Variants in NOL10 observed in about 807,000 individuals in gnomAD.
NOL10 encodes H_NH0074G24.1.
Under a neutral mutation model 103.5 loss-of-function variants are expected in NOL10, and 58 were observed. The observed-to-expected ratio is 0.56, with a 90% CI of 0.45 to 0.70. NOL10 has a LOEUF of 0.70. NOL10 is among the 30% of genes least tolerant of loss of function. The pLI, the probability that NOL10 is intolerant of heterozygous loss-of-function variation, is 0.00. For synonymous variants in NOL10, 287 were observed against 282.5 expected, an observed-to-expected ratio of 1.02 and a Z score of -0.16; for missense variants, 763 against 807.3, an observed-to-expected ratio of 0.95 and a Z score of 0.67.
chr2:10,638,289 A>C lies in NOL10; in HGVS notation c.1026+6031T>G, dbSNP rs117422826. ...GACAGAGCAAGACCCTGTCTCATTCAAAAATAACGTAACGTGACGTGACGT... is the reference window on the plus strand; with the variant it reads ...GACAGAGCAAGACCCTGTCTCATTCCAAAATAACGTAACGTGACGTGACGT... On this transcript the variant is annotated intron_variant, in intron 13 of 20. Coordinates refer to ENST00000381685, the MANE Select transcript of NOL10 (RefSeq NM_024894.4). Among the ~76,000 whole-genome samples the C allele has an allele frequency of 5.2e-4, 78 of 149,342 alleles. 2 individuals carry two copies. In the East Asian group the frequency reaches 0.014, roughly 27 times the overall value.
At chr2:10,634,382 C>T (rs1371608293) in intron 13 of NOL10, among the ~76,000 whole-genome samples, 1 of 152,140 alleles carries the variant, frequency 6.6e-6, no homozygotes, top group East Asian at 1.9e-4. Flanking sequence ...GCCTAGACAG[C>T]CGAGTGAGCA....
At position 10,596,268 on chromosome 2, in the gene NOL10, G is replaced by GA. The variant is rs58437737; in HGVS notation, c.1422+4584_1422+4585insT. 1.9e-3 allele frequency among the ~76,000 whole-genome samples: 155 copies of GA among 81,406 alleles called. 10 individuals carry two copies. Among genetic ancestry groups the GA allele is most frequent in the East Asian group, 9.8e-3 (15 of 1,538 alleles). The allele number at this position is 81,406 out of a possible 152,430, so 53.4% of individuals were successfully genotyped here. A position where few individuals can be genotyped will look rare whatever the true frequency, so the allele number is the denominator to read the frequency against. On this transcript the variant is annotated intron_variant, in intron 17 of 20. Transcript: ENST00000381685. Reference sequence around the variant, plus strand: ...CCACAGATGGTGGTGGGGGGCGGGGGGCGGGCGCGAGGGAGTTTTGGGATG... The same window carrying GA: ...CCACAGATGGTGGTGGGGGGCGGGGGAGCGGGCGCGAGGGAGTTTTGGGATG...
chr2:10,593,063 G>T (rs1365200541), intron 17 of NOL10, among the ~76,000 whole-genome samples: 1 of 152,010 alleles, frequency 6.6e-6, no homozygotes, highest in Non-Finnish European at 1.5e-5. Flanking sequence ...TGAGTGGGAC[G>T]CCTATTATTA....
intron 8 of NOL10, among the ~76,000 whole-genome samples, chr2:10,664,524 T>C (rs2148330011): frequency 6.6e-6 from 1 of 152,368 alleles, no homozygotes; most frequent in East Asian, 1.9e-4. Flanking sequence ...AAAAGCAATT[T>C]ACTTTTTTAA....
intron 8 of NOL10, among the ~76,000 whole-genome samples, chr2:10,663,586 A>G (rs1036449352): frequency 1.3e-5 from 2 of 152,170 alleles, no homozygotes; most frequent in South Asian, 2.1e-4. Context: ...CAAAATATAT[A>G]TATCACTAAA....
intron 19 of NOL10, among the ~76,000 whole-genome samples, chr2:10,583,051 T>C (rs924723800): frequency 6.6e-6 from 1 of 152,228 alleles, no homozygotes; most frequent in East Asian, 1.9e-4. Flanking sequence ...CCTTCATTCC[T>C]GGGCCTCTCT....
intron 11 of NOL10, 38 bp downstream of exon 11, chr2:10,657,703 CA>C: frequency 6.6e-7 from 1 of 1,524,554 alleles, no homozygotes; most frequent in Non-Finnish European, 8.9e-7. Flanking sequence ...GGAACACCTG[CA>C]AATAAAGAAG....
At chr2:10,682,399 C>CTTT (rs761615937) in intron 2 of NOL10, among the ~76,000 whole-genome samples, 2 of 138,532 alleles carry the variant, frequency 1.4e-5, no homozygotes, top group African/African-American at 5.4e-5. Flanking sequence ...CATTAAACCA[C>CTTT]TTTTTTTTTT....
At chr2:10,674,921 G>C (rs913346203) in intron 4 of NOL10, among the ~76,000 whole-genome samples, 1 of 151,758 alleles carries the variant, frequency 6.6e-6, no homozygotes, top group Non-Finnish European at 1.5e-5. Context: ...AAAACACAAG[G>C]GGCTGGGTGC....
intron 13 of NOL10, among the ~76,000 whole-genome samples, chr2:10,627,142 T>A (rs542283584): frequency 3.9e-5 from 6 of 152,218 alleles, no homozygotes; most frequent in Non-Finnish European, 8.8e-5. Flanking sequence ...TTGTTTGTCT[T>A]ACAAAAGAAT....
At chr2:10,627,121 T>A (rs942567257) in intron 13 of NOL10, among the ~76,000 whole-genome samples, 9 of 152,202 alleles carry the variant, frequency 5.9e-5, no homozygotes, top group Admixed American at 2.6e-4. Flanking sequence ...CTTTGTAAAG[T>A]CACAAACAAC....
At chr2:10,599,762 G>A (rs1348770911) in intron 17 of NOL10, among the ~76,000 whole-genome samples, 2 of 152,124 alleles carry the variant, frequency 1.3e-5, no homozygotes, top group African/African-American at 4.8e-5. Flanking sequence ...GAATCCATTT[G>A]GAAAGCACAG....
chr2:10,662,126 C>T (rs1558334166), intron 9 of NOL10, among the ~76,000 whole-genome samples: 1 of 152,112 alleles, frequency 6.6e-6, no homozygotes, highest in Non-Finnish European at 1.5e-5. Context: ...ACATGTATGC[C>T]ATTGACGAAT....
chr2:10,689,868 G>A lies in NOL10; in HGVS notation c.-7C>T, dbSNP rs1374040575. 6.2e-7 allele frequency: 1 copy of A among 1,602,278 alleles called. No homozygotes were observed. ...TGAGGCTGGAGACCTGCATGGCGCC[G>A]CACAACACTGTTCAAGTCCCGGGTC... is the stretch of plus-strand genomic sequence containing the variant. On this transcript the variant is annotated 5_prime_UTR_variant, in exon 1 of 21. Coordinates refer to ENST00000381685, the MANE Select transcript of NOL10 (RefSeq NM_024894.4).
At chr2:10,593,706 G>A (rs77047837) in intron 17 of NOL10, among the ~76,000 whole-genome samples, 4 of 152,182 alleles carry the variant, frequency 2.6e-5, no homozygotes, top group South Asian at 2.1e-4. Context: ...CCTTTCCCAC[G>A]GAGAAGTTGC....
At chr2:10,628,377 C>G (rs1320007009) in intron 13 of NOL10, among the ~76,000 whole-genome samples, 1 of 152,156 alleles carries the variant, frequency 6.6e-6, no homozygotes. Flanking sequence ...CAACATTCTA[C>G]TTAACCTTTA....
intron 17 of NOL10, among the ~76,000 whole-genome samples, chr2:10,596,541 A>G (rs1237969721): frequency 6.6e-6 from 1 of 152,134 alleles, no homozygotes; most frequent in East Asian, 1.9e-4. Context: ...TCATGCTCCT[A>G]TGAGAATCTA....
intron 13 of NOL10, among the ~76,000 whole-genome samples, chr2:10,620,828 C>T (rs528092783): frequency 2.4e-4 from 37 of 152,198 alleles, no homozygotes; most frequent in South Asian, 6.2e-4. Flanking sequence ...TAGAGTTTTG[C>T]TCTATTACCC....
At chr2:10,673,683 G>T in intron 4 of NOL10, 126 bp from the exon 5 acceptor site, 1 of 552,052 alleles carries the variant, frequency 1.8e-6, no homozygotes, top group Non-Finnish European at 3.1e-6. Context: ...CTGCCTCTAC[G>T]TGAAACAAGA....
Sources: allele counts gnomAD v4.1 joint callset (sites outside exome capture counted in the v4.1 genomes callset), GRCh38; gene constraint gnomAD v4.1.1; transcripts MANE v1.5; gene names NCBI Gene and HGNC (gene_info 2026-07-23, HGNC 2026-07-21).